The following KCTD9 variants were observed in gnomAD, a reference collection of about 807,000 sequenced individuals.
KCTD9 encodes the protein BTB/POZ domain-containing protein KCTD9.
Under a neutral mutation model 53.3 loss-of-function variants are expected in KCTD9, and 17 were observed. The observed-to-expected ratio is 0.32, with a 90% CI of 0.22 to 0.48. The LOEUF is 0.48. Ranked by LOEUF, KCTD9 falls within the 20% of genes least tolerant of loss-of-function variation. The probability of loss-of-function intolerance (pLI) is 0.99; values close to 1 mark genes in which losing one functional copy is unlikely to be tolerated. For missense variants in KCTD9, 179 were observed against 465.5 expected, an observed-to-expected ratio of 0.38 and a Z score of 5.66; for synonymous variants, 128 against 162.7, an observed-to-expected ratio of 0.79 and a Z score of 1.62.
chr8:25,444,093 T>C (rs576952226), intron 3 of KCTD9, among the ~76,000 whole-genome samples, 199 bp downstream of exon 3: 1 of 152,262 alleles, frequency 6.6e-6, no homozygotes, highest in East Asian at 1.9e-4. Context: ...ATGTAAAACA[T>C]GCATCTATAA....
At chr8:25,443,604 GAGAC>G in intron 3 of KCTD9, among the ~76,000 whole-genome samples, 1 of 152,308 alleles carries the variant, frequency 6.6e-6, no homozygotes, top group African/African-American at 2.4e-5. Flanking sequence ...TTTTAAGGTA[GAGAC>G]AGACAGACAA....
At chr8:25,457,196 A>T in intron 1 of KCTD9, 1 of 198,366 alleles carries the variant, frequency 5.0e-6, no homozygotes, top group Non-Finnish European at 9.1e-6. Flanking sequence ...AGCCATTTTT[A>T]ATGCCACTGG....
intron 1 of KCTD9, among the ~76,000 whole-genome samples, chr8:25,455,713 T>C (rs1300020344): frequency 2.0e-5 from 3 of 152,186 alleles, no homozygotes; most frequent in African/African-American, 7.2e-5. Context: ...GGTTGTAAGC[T>C]TCCATATCAC....
At chr8:25,445,782 T>TAATA (rs1802204414) in intron 2 of KCTD9, among the ~76,000 whole-genome samples, 1 of 151,884 alleles carries the variant, frequency 6.6e-6, no homozygotes, top group South Asian at 2.1e-4. Flanking sequence ...TCTTAGGAAA[T>TAATA]GATTAACAAG....
intron 5 of KCTD9, 86 bp from the exon 6 acceptor site, chr8:25,439,493 T>G: frequency 6.4e-7 from 1 of 1,560,806 alleles, no homozygotes; most frequent in Non-Finnish European, 8.7e-7. Context: ...TAAATATAAG[T>G]TTTTACTCTT....
In KCTD9 at chr8:25,447,164, C is replaced by T. The variant is rs28470827; in HGVS notation, c.49-914G>A. Among the ~76,000 whole-genome samples, 1,223 of 152,212 alleles carry T rather than the reference C, an allele frequency of 8.0e-3. 10 individuals are homozygous for T. The highest frequency in any genetic ancestry group is 0.026 in the African/African-American group (1,064 of 41,532). On this transcript the variant is annotated intron_variant, in intron 1 of 11. Transcript: ENST00000221200. Reference sequence around the variant, plus strand: ...ATCCCAGCACTTTGTGAGGCTGAGACGGGCAGAGCACTTAAGGCCTGGAGT... The same window carrying T: ...ATCCCAGCACTTTGTGAGGCTGAGATGGGCAGAGCACTTAAGGCCTGGAGT...
chr8:25,438,530 A>G (rs1482627445), intron 6 of KCTD9, among the ~76,000 whole-genome samples: 2 of 152,212 alleles, frequency 1.3e-5, no homozygotes, highest in African/African-American at 4.8e-5. Flanking sequence ...CTGGCACTCT[A>G]CGTCTGACCA....
chr8:25,440,435 A>C, intron 4 of KCTD9, 142 bp downstream of exon 4: 2 of 610,056 alleles, frequency 3.3e-6, no homozygotes, highest in Non-Finnish European at 5.9e-6. Context: ...CTTCAAAAAA[A>C]GTTATAAAAA....
At chr8:25,454,582 C>T (rs1246846773) in intron 1 of KCTD9, among the ~76,000 whole-genome samples, 1 of 152,090 alleles carries the variant, frequency 6.6e-6, no homozygotes, top group Admixed American at 6.5e-5. Context: ...AATGTTGAGG[C>T]ACATGGAAAA....
intron 11 of KCTD9, among the ~76,000 whole-genome samples, chr8:25,431,347 T>C (rs1801926752): frequency 6.6e-6 from 1 of 152,130 alleles, no homozygotes; most frequent in Non-Finnish European, 1.5e-5. Context: ...ATACAGTGAG[T>C]TTGACAGATG....
chr8:25,447,869 G>A (rs1184757295), intron 1 of KCTD9, among the ~76,000 whole-genome samples: 1 of 152,196 alleles, frequency 6.6e-6, no homozygotes, highest in African/African-American at 2.4e-5. Flanking sequence ...GCTCATGCCT[G>A]TAATCCCAGC....
At chr8:25,455,781 G>A (rs749476395) in intron 1 of KCTD9, among the ~76,000 whole-genome samples, 1 of 152,204 alleles carries the variant, frequency 6.6e-6, no homozygotes, top group Admixed American at 6.5e-5. Context: ...ACATGTGAAG[G>A]CCGTCCCTTC....
At chr8:25,447,822 T>C (rs990756072) in intron 1 of KCTD9, among the ~76,000 whole-genome samples, 6 of 152,114 alleles carry the variant, frequency 3.9e-5, no homozygotes, top group African/African-American at 1.4e-4. Flanking sequence ...AATGGAATAT[T>C]ATTCAGCAAT....
chr8:25,450,906 A>G (rs1563250194), intron 1 of KCTD9, among the ~76,000 whole-genome samples: 1 of 152,240 alleles, frequency 6.6e-6, no homozygotes, highest in African/African-American at 2.4e-5. Context: ...TCCAGATACT[A>G]GTTCTATAAA....
Position 25,429,136 on chromosome 8 carries a change from G to T in KCTD9, c.*721C>A, listed in dbSNP as rs1211031223. ...TCATTTGTAAGTGTTGTAGTGATAG[G>T]TAAGTTATTCCTCCATCCAGAGTTA... On this transcript the variant is annotated 3_prime_UTR_variant, in exon 12 of 12. Coordinates refer to ENST00000221200, the MANE Select transcript of KCTD9 (RefSeq NM_017634.4). 1.3e-5 allele frequency: 2 copies of T among 152,180 alleles called. No homozygotes were observed. Among genetic ancestry groups the T allele is most frequent in the East Asian group, 1.9e-4 (1 of 5,188 alleles). The allele number at this position is 152,180 out of a possible 1,614,324, so 9.4% of individuals were successfully genotyped here.
Position 25,446,170 on chromosome 8 carries a change from A to G in KCTD9, c.129T>C (p.Tyr43=), listed in dbSNP as rs1403743971. The change falls in exon 2 of 12, where the codon TAT becomes TAC. Residue 43 remains tyrosine (Y), a synonymous_variant. Coordinates refer to ENST00000221200, the MANE Select transcript of KCTD9 (RefSeq NM_017634.4). ...CATCAATCAGTCCACCTTTCCCATT[A>G]TACACACTGGTGGCTTTTATGCCGA... ...SKLGIKATSV[Y]NGKGGLIDDI... 1 of 1,614,048 alleles carries G rather than the reference A, an allele frequency of 6.2e-7. No homozygotes were observed. The highest frequency in any genetic ancestry group is 8.5e-7 in the Non-Finnish European group (1 of 1,179,922).
At position 25,444,384 on chromosome 8, in the gene KCTD9, A is replaced by G. The variant is rs768694950; in HGVS notation, c.171-49T>C. On this transcript the variant is annotated intron_variant, in intron 2 of 11. Coordinates refer to ENST00000221200, the MANE Select transcript of KCTD9 (RefSeq NM_017634.4). ...GCTACCATCAAAATCTAAAAATCAC[A>G]TTAATTATCTGTTGCTTATAGGAAC... The G allele has an allele frequency of 1.2e-5, 19 of 1,529,864 alleles. 1 individual carries two copies. The highest frequency in any genetic ancestry group is 3.4e-4 in the Middle Eastern group (2 of 5,916). 94.8% of individuals were successfully genotyped at this position (1,529,864 alleles called of 1,614,324 possible). A position where few individuals can be genotyped will look rare whatever the true frequency, so the allele number is the denominator to read the frequency against.
At chr8:25,440,262 T>G (rs1259195645) in intron 4 of KCTD9, among the ~76,000 whole-genome samples, 2 of 151,258 alleles carry the variant, frequency 1.3e-5, no homozygotes. Context: ...GTTTCACCAT[T>G]TTAGCCGGGA....
rs57257880 is a variant in KCTD9, at chr8:25,444,243, C to CTTTTT, written c.214+44_214+48dup. ...CCATTTAAAATAATTGTCATTCCAT[C>CTTTTT]TTTTTTTTTTTTTTTTGGCAGATAA... On this transcript the variant is annotated intron_variant, in intron 3 of 11. Coordinates refer to ENST00000221200, the MANE Select transcript of KCTD9 (RefSeq NM_017634.4). 1.4e-3 allele frequency: 1,395 copies of CTTTTT among 963,378 alleles called. 13 individuals carry two copies. The highest frequency in any genetic ancestry group is 4.9e-3 in the African/African-American group (271 of 55,132). The allele number at this position is 963,378 out of a possible 1,614,324, so 59.7% of individuals were successfully genotyped here.
Sources: gnomAD v4.1 joint callset for allele counts (sites outside exome capture counted in the v4.1 genomes callset) on GRCh38, gnomAD v4.1.1 for gene constraint, MANE v1.5 for transcripts, NCBI Gene and HGNC (gene_info 2026-07-23, HGNC 2026-07-21) for gene names.